The following KIAA0232 variants were observed in gnomAD, a reference collection of about 807,000 sequenced individuals.
The protein encoded by KIAA0232 is uncharacterized protein KIAA0232.
In KIAA0232, 27 loss-of-function variants were observed where a neutral mutation model predicts 122.0. That is an observed-to-expected ratio of 0.22 (90% CI 0.16 to 0.31). The LOEUF is 0.31. Ranked by LOEUF, KIAA0232 falls within the 10% of genes least tolerant of loss-of-function variation. The pLI, the probability that KIAA0232 is intolerant of heterozygous loss-of-function variation, is 1.00. For synonymous variants in KIAA0232, 613 were observed against 587.6 expected, an observed-to-expected ratio of 1.04 and a Z score of -0.63; for missense variants, 1,551 against 1,634.2, an observed-to-expected ratio of 0.95 and a Z score of 0.88.
At chr4:6,792,947 A>G (rs554819726) in intron 1 of KIAA0232, among the ~76,000 whole-genome samples, 5 of 151,936 alleles carry the variant, frequency 3.3e-5, no homozygotes, top group Admixed American at 3.3e-4. Context: ...CAGCCTCCCA[A>G]AGTGCTGGGA....
At chr4:6,870,803 G>GGA (rs1553846126) in intron 7 of KIAA0232, among the ~76,000 whole-genome samples, 11 of 143,808 alleles carry the variant, frequency 7.6e-5, no homozygotes, top group Admixed American at 3.4e-4. Context: ...CTCTGTCTTG[G>GGA]AAAAAAAAAA....
intron 4 of KIAA0232, among the ~76,000 whole-genome samples, chr4:6,844,115 A>G (rs145908048): frequency 6.7e-6 from 1 of 150,308 alleles, no homozygotes; most frequent in Non-Finnish European, 1.5e-5. Flanking sequence ...AATTTTTTGT[A>G]TTTTTTAGTA....
intron 1 of KIAA0232, among the ~76,000 whole-genome samples, chr4:6,795,433 T>C (rs1159414174): frequency 1.3e-5 from 2 of 152,224 alleles, no homozygotes; most frequent in Admixed American, 1.3e-4. Context: ...GTGTCAATTA[T>C]GTACCAGATG....
chr4:6,792,535 T>C (rs1293553191), intron 1 of KIAA0232, among the ~76,000 whole-genome samples: 1 of 152,216 alleles, frequency 6.6e-6, no homozygotes, highest in African/African-American at 2.4e-5. Flanking sequence ...TTCATACAAT[T>C]AAGCACAGAT....
chr4:6,812,726 C>T (rs1357533014), intron 2 of KIAA0232, among the ~76,000 whole-genome samples: 1 of 151,958 alleles, frequency 6.6e-6, no homozygotes, highest in Non-Finnish European at 1.5e-5. Context: ...TTGAATAGAG[C>T]TGCCCAGATT....
intron 3 of KIAA0232, among the ~76,000 whole-genome samples, chr4:6,826,481 A>G (rs73199904): frequency 6.6e-6 from 1 of 152,080 alleles, no homozygotes; most frequent in Non-Finnish European, 1.5e-5. Context: ...CTTTATTGTA[A>G]GCATGTACTC....
rs1325471655 is a variant in KIAA0232, at chr4:6,863,779, G to A, written c.3397G>A (p.Ala1133Thr). Residue 1133 changes from alanine (A) to threonine (T), a missense_variant, in exon 7 of 10, where the codon GCA becomes ACA. Around this residue, in one of 5 missense-constraint regions of KIAA0232, gnomAD observed 1,108 missense variants for 1,154.8 expected, o/e 0.96. Coordinates refer to ENST00000307659, the MANE Select transcript of KIAA0232 (RefSeq NM_014743.3). ...ESEFESEKDE[A>T]NIPIPSQVDI... ...AGAATTTGAATCTGAGAAAGATGAA[G>A]CAAATATTCCCATTCCTTCTCAAGT... is the stretch of plus-strand genomic sequence containing the variant. 2.5e-6 allele frequency: 4 copies of A among 1,614,162 alleles called. No individual in the cohort carries two copies. Among genetic ancestry groups the A allele is most frequent in the Admixed American group, 3.3e-5 (2 of 60,028 alleles).
chr4:6,843,018 C>T (rs1162958526), intron 4 of KIAA0232, among the ~76,000 whole-genome samples: 1 of 152,086 alleles, frequency 6.6e-6, no homozygotes, highest in Non-Finnish European at 1.5e-5. Context: ...ACTGTATTGG[C>T]ATATGATTTA....
chr4:6,851,744 C>T (rs955307997), intron 4 of KIAA0232, among the ~76,000 whole-genome samples: 3 of 121,862 alleles, frequency 2.5e-5, no homozygotes, highest in Non-Finnish European at 3.8e-5. Context: ...AAAAAAAAAG[C>T]GGGGAGGGGT....
chr4:6,804,355 C>T (rs568147294), intron 1 of KIAA0232, among the ~76,000 whole-genome samples, 168 bp from the exon 2 acceptor site: 11 of 152,304 alleles, frequency 7.2e-5, no homozygotes, highest in African/African-American at 2.4e-4. Flanking sequence ...TGACCAGTTG[C>T]GTTCATTACC....
In KIAA0232 at chr4:6,883,687, G is replaced by A. The variant is rs977093418; in HGVS notation, c.*2721G>A. On this transcript the variant is annotated 3_prime_UTR_variant, in exon 10 of 10. Coordinates refer to ENST00000307659, the MANE Select transcript of KIAA0232 (RefSeq NM_014743.3). ...AAGCTCAATCTTTTTGTTTTCTTCT[G>A]GGGAAAAAATTAAATCTTTATATGT... is the stretch of plus-strand genomic sequence containing the variant. 6.6e-6 allele frequency: 1 copy of A among 151,976 alleles called. No individual in the cohort carries two copies. Among genetic ancestry groups the A allele is most frequent in the Non-Finnish European group, 1.5e-5 (1 of 67,988 alleles). The allele number at this position is 151,976 out of a possible 1,614,324, so 9.4% of individuals were successfully genotyped here. A position where few individuals can be genotyped will look rare whatever the true frequency, so the allele number is the denominator to read the frequency against.
At chr4:6,783,634 G>T (rs1407907357) in intron 1 of KIAA0232, among the ~76,000 whole-genome samples, 1 of 151,016 alleles carries the variant, frequency 6.6e-6, no homozygotes, top group African/African-American at 2.4e-5. Context: ...GGCCGCAGGC[G>T]GGCGGGGCCG....
chr4:6,787,138 A>G (rs1577349962), intron 1 of KIAA0232, among the ~76,000 whole-genome samples: 4 of 145,636 alleles, frequency 2.7e-5, no homozygotes, highest in African/African-American at 1.0e-4. Flanking sequence ...CCAAGATCAC[A>G]CCACTGGACT....
intron 4 of KIAA0232, among the ~76,000 whole-genome samples, chr4:6,844,209 G>C (rs1719831457): frequency 1.3e-5 from 2 of 151,778 alleles, no homozygotes; most frequent in Non-Finnish European, 2.9e-5. Context: ...CAAAGTGCTG[G>C]GATTACAGGC....
At chr4:6,856,260 G>GC (rs1720565284) in intron 4 of KIAA0232, among the ~76,000 whole-genome samples, 1 of 152,140 alleles carries the variant, frequency 6.6e-6, no homozygotes, top group Non-Finnish European at 1.5e-5. Context: ...TCCATCACGC[G>GC]CATCTGTTTG....
intron 3 of KIAA0232, among the ~76,000 whole-genome samples, chr4:6,832,598 C>G (rs773062275): frequency 5.9e-5 from 9 of 152,144 alleles, no homozygotes; most frequent in Non-Finnish European, 1.3e-4. Flanking sequence ...ATCTGCCTGC[C>G]TTGGCCTCCC....
chr4:6,882,758 T>TA lies in KIAA0232; in HGVS notation c.*1794dup, dbSNP rs1312952982. Reference sequence around the variant, plus strand: ...TCTTCTGGAGCTTCCTAAAAATTGATAAGCATCTGCACTGAAATATAATTT... The same window carrying TA: ...TCTTCTGGAGCTTCCTAAAAATTGATAAAGCATCTGCACTGAAATATAATTT... On this transcript the variant is annotated 3_prime_UTR_variant, in exon 10 of 10. Transcript: ENST00000307659. 1.3e-5 allele frequency: 2 copies of TA among 152,804 alleles called. No homozygotes were observed. Among genetic ancestry groups the TA allele is most frequent in the Non-Finnish European group, 1.5e-5 (1 of 68,036 alleles). The allele number at this position is 152,804 out of a possible 1,614,324, so 9.5% of individuals were successfully genotyped here. A position where few individuals can be genotyped will look rare whatever the true frequency, so the allele number is the denominator to read the frequency against.
intron 8 of KIAA0232, 65 bp downstream of exon 8, chr4:6,871,747 C>A (rs1721501600): frequency 2.9e-6 from 3 of 1,020,640 alleles, no homozygotes; most frequent in Non-Finnish European, 4.6e-6. Context: ...GCAATAATTT[C>A]TTTTTCTATG....
chr4:6,858,818 T>G (rs114166878), intron 6 of KIAA0232, among the ~76,000 whole-genome samples: 308 of 152,238 alleles, frequency 2.0e-3, no homozygotes, highest in Admixed American at 5.0e-3. Context: ...TGTGAGAAAT[T>G]AGGATTATCA....
Sources: gnomAD v4.1 joint callset for allele counts (sites outside exome capture counted in the v4.1 genomes callset) on GRCh38, gnomAD v4.1.1 for gene constraint, gnomAD v4.1.1 regional missense constraint, MANE v1.5 for transcripts, NCBI Gene and HGNC (gene_info 2026-07-23, HGNC 2026-07-21) for gene names.